Variants in ZMYM2 observed in about 807,000 individuals in gnomAD.
ZMYM2 encodes the protein zinc finger MYM-type containing 2.
In ZMYM2, 56 loss-of-function variants were observed where a neutral mutation model predicts 162.8. That is an observed-to-expected ratio of 0.34 (90% CI 0.28 to 0.43). The LOEUF (loss-of-function observed/expected upper bound fraction) is 0.43. Among genes scored for constraint, ZMYM2 ranks in the 20% least tolerant of loss-of-function variants. The pLI is 1.00. For missense variants in ZMYM2, 1,275 were observed against 1,621.8 expected (o/e 0.79, Z 3.67); for synonymous variants, 510 against 541.6 (o/e 0.94, Z 0.81).
the ZMYM2 span, among the ~76,000 whole-genome samples, chr13:19,928,820 G>A: frequency 1.5e-4 from 23 of 150,854 alleles, no homozygotes; most frequent in East Asian, 2.3e-3. Flanking sequence ...ACAAAAACCC[G>A]TCTTAGTAGA....
chr13:20,088,488 C>T lies in ZMYM2; in HGVS notation c.*2474C>T, dbSNP rs1453477773. On this transcript the variant is annotated 3_prime_UTR_variant, in exon 25 of 25. Transcript: ENST00000610343. ...TGAAGATTTTGCCATTTAAAATGAT[C>T]CAGTGAAAAATATTTATCCACATTG... 1.0e-5 allele frequency: 2 copies of T among 199,792 alleles called. No homozygotes were observed. Among genetic ancestry groups the T allele is most frequent in the Non-Finnish European group, 2.1e-5 (2 of 96,874 alleles). 12.4% of individuals were successfully genotyped at this position (199,792 alleles called of 1,614,324 possible).
intron 6 of ZMYM2, among the ~76,000 whole-genome samples, chr13:20,009,940 C>T (rs1951037628): frequency 6.6e-6 from 1 of 152,130 alleles, no homozygotes. Context: ...TGGATTTGCT[C>T]AGTCATAGGG....
At chr13:20,062,761 A>G (rs561838606) in intron 17 of ZMYM2, 85 bp from the exon 18 acceptor site, 131 of 1,316,560 alleles carry the variant, frequency 1.0e-4, no homozygotes, top group Middle Eastern at 5.8e-4. Flanking sequence ...ATTTAAAATT[A>G]AATGACTTGC....
chr13:19,970,833 G>T (rs1208848149), intron 2 of ZMYM2, among the ~76,000 whole-genome samples: 1 of 152,144 alleles, frequency 6.6e-6, no homozygotes, highest in Non-Finnish European at 1.5e-5. Flanking sequence ...AAATGAGTAT[G>T]ATCTGAGATT....
intron 2 of ZMYM2, among the ~76,000 whole-genome samples, chr13:19,983,213 T>C (rs1957506163): frequency 6.6e-6 from 1 of 151,978 alleles, no homozygotes; most frequent in South Asian, 2.1e-4. Context: ...GGCACAATCT[T>C]GGCTCACTGC....
rs56664916 is a variant in ZMYM2 at position 20,075,670 on chromosome 13, C to CTTTTTTTTTT, written c.3454-6323_3454-6314dup. The stretch of plus-strand genomic sequence containing the variant: ...TTATTATGAATAGAACTATAGACAC[C>CTTTTTTTTTT]TTTTTTTTTTTTTTTTTTTTTTTTT... On this transcript the variant is annotated intron_variant, in intron 21 of 24. Coordinates refer to ENST00000610343, the MANE Select transcript of ZMYM2 (RefSeq NM_197968.4). Among the ~76,000 whole-genome samples the CTTTTTTTTTT allele has an allele frequency of 1.1e-3, 86 of 75,714 alleles. 5 individuals carry two copies. The highest frequency in any genetic ancestry group is 3.8e-3 in the African/African-American group (70 of 18,450). 49.7% of individuals were successfully genotyped at this position (75,714 alleles called of 152,430 possible).
chr13:19,902,391 C>T, the ZMYM2 span, among the ~76,000 whole-genome samples: 8,584 of 150,782 alleles, frequency 0.057, 424 homozygotes, highest in African/African-American at 0.14. Flanking sequence ...CCAAGGTGGG[C>T]GGATCACCTG....
At chr13:20,038,709 C>G (rs914640426) in intron 12 of ZMYM2, among the ~76,000 whole-genome samples, 1 of 151,914 alleles carries the variant, frequency 6.6e-6, no homozygotes, top group Non-Finnish European at 1.5e-5. Flanking sequence ...TGGCATGATT[C>G]CTCCAGCTTT....
chr13:19,946,260 G>C, the ZMYM2 span, among the ~76,000 whole-genome samples: 1 of 152,120 alleles, frequency 6.6e-6, no homozygotes, highest in Non-Finnish European at 1.5e-5. Context: ...TCTATTTATG[G>C]CTTTTCCATG....
intron 7 of ZMYM2, among the ~76,000 whole-genome samples, chr13:20,021,335 T>C (rs1244316570): frequency 3.3e-5 from 5 of 151,560 alleles, no homozygotes; most frequent in African/African-American, 9.7e-5. Context: ...TCTTTTTTTT[T>C]CTTCTTCTGG....
Position 20,088,015 on chromosome 13 carries a change from A to G in ZMYM2, c.*2001A>G, listed in dbSNP as rs377226494. On this transcript the variant is annotated 3_prime_UTR_variant, in exon 25 of 25. Coordinates refer to ENST00000610343, the MANE Select transcript of ZMYM2 (RefSeq NM_197968.4). ...TTTTCCCAGGTGTCACTTATTGTAT[A>G]TGTTACCAAATACCATGAATTTCTG... 1 of 195,176 alleles carries G rather than the reference A, an allele frequency of 5.1e-6. No individual in the cohort carries two copies. Among genetic ancestry groups the G allele is most frequent in the African/African-American group, 2.3e-5 (1 of 43,334 alleles). The allele number at this position is 195,176 out of a possible 1,614,324, so 12.1% of individuals were successfully genotyped here.
At chr13:20,027,380 G>T in intron 9 of ZMYM2, 62 bp downstream of exon 9, 1 of 1,279,562 alleles carries the variant, frequency 7.8e-7, no homozygotes, top group Non-Finnish European at 1.1e-6. Context: ...AATAATCAGT[G>T]TAATATAATA....
chr13:19,871,857 T>C, the ZMYM2 span, among the ~76,000 whole-genome samples: 1 of 152,152 alleles, frequency 6.6e-6, no homozygotes, highest in Non-Finnish European at 1.5e-5. Context: ...ATTCCCTGAC[T>C]GCAATGCACA....
the ZMYM2 span, among the ~76,000 whole-genome samples, chr13:19,884,780 C>T: frequency 4.3e-4 from 65 of 152,206 alleles, no homozygotes; most frequent in Non-Finnish European, 6.8e-4. Flanking sequence ...CCGACGCCCC[C>T]AAGACAGAAA....
chr13:20,025,766 C>G (rs1952527150), intron 7 of ZMYM2: 1 of 152,116 alleles, frequency 6.6e-6, no homozygotes. Flanking sequence ...TCAAACAAAC[C>G]TAAATGGTAT....
chr13:19,973,384 A>G (rs1466382381), intron 2 of ZMYM2, among the ~76,000 whole-genome samples: 1 of 152,020 alleles, frequency 6.6e-6, no homozygotes, highest in Non-Finnish European at 1.5e-5. Context: ...ACAGTACCAT[A>G]GAGGGGCCGG....
the ZMYM2 span, among the ~76,000 whole-genome samples, chr13:19,949,999 G>A: frequency 5.3e-5 from 8 of 151,678 alleles, no homozygotes; most frequent in Admixed American, 1.3e-4. Flanking sequence ...AAAGAAAGAC[G>A]TGGCAGCTCA....
At chr13:20,064,415 T>C in intron 18 of ZMYM2, 36 bp from the exon 19 acceptor site, 1 of 1,539,594 alleles carries the variant, frequency 6.5e-7, no homozygotes, top group East Asian at 2.4e-5. Flanking sequence ...CCCTGTGCTA[T>C]TTCATTTAAA....
At position 20,051,415 on chromosome 13, in the gene ZMYM2, C is replaced by A; in HGVS notation, c.2293-18C>A. On this transcript the variant is annotated intron_variant, in intron 12 of 24. Coordinates refer to ENST00000610343, the MANE Select transcript of ZMYM2 (RefSeq NM_197968.4). ...AAAAATAATTTGCAATATCTGAAAC[C>A]TTCCTTTTTAAATTAAGGCTGCAAG... The A allele has an allele frequency of 6.2e-7, 1 of 1,604,288 alleles. No individual in the cohort carries two copies. Among genetic ancestry groups the A allele is most frequent in the South Asian group, 1.1e-5 (1 of 88,846 alleles).
Sources: gnomAD v4.1 joint callset for allele counts (sites outside exome capture counted in the v4.1 genomes callset) on GRCh38, gnomAD v4.1.1 for gene constraint, MANE v1.5 for transcripts, NCBI Gene and HGNC (gene_info 2026-07-23, HGNC 2026-07-21) for gene names.